MED13: variants seen among roughly 807,000 people sequenced by gnomAD.
The protein encoded by MED13 is mediator complex subunit 13.
In MED13, 23 loss-of-function variants were observed where a neutral mutation model predicts 225.2. That is an observed-to-expected ratio of 0.10 (90% CI 0.07 to 0.14). The LOEUF is 0.14. Among genes scored for constraint, MED13 ranks in the 10% least tolerant of loss-of-function variants. The pLI, the probability that MED13 is intolerant of heterozygous loss-of-function variation, is 1.00. For missense variants in MED13, 2,197 were observed against 2,594.5 expected, an observed-to-expected ratio of 0.85 and a Z score of 3.33; for synonymous variants, 942 against 889.2, an observed-to-expected ratio of 1.06 and a Z score of -1.06.
chr17:62,046,741 G>T (rs1256705463), intron 3 of MED13, among the ~76,000 whole-genome samples: 3 of 152,024 alleles, frequency 2.0e-5, no homozygotes. Flanking sequence ...GGAGGCTGAG[G>T]TGTGAGGACT....
chr17:62,016,640 G>A (rs2080584423), intron 8 of MED13, among the ~76,000 whole-genome samples: 1 of 152,162 alleles, frequency 6.6e-6, no homozygotes, highest in Non-Finnish European at 1.5e-5. Context: ...ATAAAATAAA[G>A]AAATGCCAAA....
chr17:62,026,862 TG>T (rs1181476309), intron 8 of MED13, among the ~76,000 whole-genome samples: 1 of 151,986 alleles, frequency 6.6e-6, no homozygotes, highest in Non-Finnish European at 1.5e-5. Flanking sequence ...GTAAAATAAC[TG>T]GGAATACAGC....
In MED13 at chr17:61,944,153, T is replaced by C. The variant is rs1008409105; in HGVS notation, c.*2315A>G. ...TCCCTGATTCCCAAATAAAAAATAATTGTGTACTGGGTTCCCTCCTTATGG... is the reference window on the plus strand; with the variant it reads ...TCCCTGATTCCCAAATAAAAAATAACTGTGTACTGGGTTCCCTCCTTATGG... On this transcript the variant is annotated 3_prime_UTR_variant, in exon 30 of 30. Coordinates refer to ENST00000397786, the MANE Select transcript of MED13 (RefSeq NM_005121.3). 9 of 152,662 alleles carry C rather than the reference T, an allele frequency of 5.9e-5. 1 individual carries two copies. In the South Asian group the frequency reaches 1.9e-3, roughly 32 times the overall value. 9.5% of individuals were successfully genotyped at this position (152,662 alleles called of 1,614,324 possible).
intron 9 of MED13, among the ~76,000 whole-genome samples, chr17:62,008,396 A>C (rs1201842592): frequency 6.6e-6 from 1 of 151,744 alleles, no homozygotes; most frequent in Non-Finnish European, 1.5e-5. Flanking sequence ...AGATCATTAT[A>C]CCTGCTACAC....
At chr17:62,051,205 G>C (rs965371130) in intron 3 of MED13, among the ~76,000 whole-genome samples, 1 of 152,064 alleles carries the variant, frequency 6.6e-6, no homozygotes, top group Non-Finnish European at 1.5e-5. Flanking sequence ...GTCAACTAAA[G>C]TTTCCAGAAA....
At chr17:62,033,263 CTT>C (rs2080773408) in intron 5 of MED13, among the ~76,000 whole-genome samples, 2 of 152,168 alleles carry the variant, frequency 1.3e-5, no homozygotes, top group South Asian at 4.1e-4. Flanking sequence ...TTTTCTGTCT[CTT>C]AAGTTATTGG....
At position 61,944,759 on chromosome 17, in the gene MED13, G is replaced by A. The variant is rs951253197; in HGVS notation, c.*1709C>T. On this transcript the variant is annotated 3_prime_UTR_variant, in exon 30 of 30. Transcript: ENST00000397786. ...TTGTCCTTGTAGATAATTAGTGAACGTACAAATAGAAATTTTGCTAGACTG... is the reference window on the plus strand; with the variant it reads ...TTGTCCTTGTAGATAATTAGTGAACATACAAATAGAAATTTTGCTAGACTG... 2.0e-5 allele frequency: 3 copies of A among 152,480 alleles called. No individual in the cohort carries two copies. The highest frequency in any genetic ancestry group is 2.1e-4 in the South Asian group (1 of 4,830). The allele number at this position is 152,480 out of a possible 1,614,324, so 9.4% of individuals were successfully genotyped here.
At chr17:62,026,941 T>C (rs909331258) in intron 8 of MED13, among the ~76,000 whole-genome samples, 2 of 152,070 alleles carry the variant, frequency 1.3e-5, no homozygotes, top group African/African-American at 2.4e-5. Context: ...TCAGAGATGA[T>C]GCAAAAAAAC....
chr17:61,964,294 C>T (rs144326798), intron 20 of MED13, among the ~76,000 whole-genome samples: 174 of 152,262 alleles, frequency 1.1e-3, no homozygotes, highest in African/African-American at 3.9e-3. Flanking sequence ...AACACTAGGC[C>T]GGGTGCGATA....
chr17:61,994,051 T>A (rs1241362942), intron 10 of MED13, among the ~76,000 whole-genome samples: 1 of 152,032 alleles, frequency 6.6e-6, no homozygotes, highest in Non-Finnish European at 1.5e-5. Context: ...CAGGCAGAAG[T>A]TCACTGGCAT....
chr17:61,974,433 A>C (rs2080135985), intron 16 of MED13, among the ~76,000 whole-genome samples: 1 of 152,120 alleles, frequency 6.6e-6, no homozygotes, highest in Admixed American at 6.6e-5. Flanking sequence ...GATGATCACA[A>C]AAAAATACCT....
rs890393330 is a variant in MED13, at chr17:62,049,078, CAAAAAA to C, written c.470+3453_470+3458del. ...GGCACCACCATAACAGTAAATAAGACAAAAAAAAAAAAAAAAAGGAGAAATGAGAAA... is the reference window on the plus strand; with the variant it reads ...GGCACCACCATAACAGTAAATAAGACAAAAAAAAAAAGGAGAAATGAGAAA... On this transcript the variant is annotated intron_variant, in intron 3 of 29. Coordinates refer to ENST00000397786, the MANE Select transcript of MED13 (RefSeq NM_005121.3). Among the ~76,000 whole-genome samples, 11 of 45,330 alleles carry C rather than the reference CAAAAAA, an allele frequency of 2.4e-4. No individual in the cohort carries two copies. The East Asian group carries it at 4.1e-3, about 17-fold the overall frequency. 29.7% of individuals were successfully genotyped at this position (45,330 alleles called of 152,430 possible).
chr17:61,953,830 T>C (rs2079917084), intron 26 of MED13, among the ~76,000 whole-genome samples: 1 of 152,144 alleles, frequency 6.6e-6, no homozygotes, highest in Admixed American at 6.6e-5. Flanking sequence ...ACTACAGTAT[T>C]CCCCCTTATC....
rs2143340894 is a variant in MED13 at position 61,960,859 on chromosome 17, A to G, written c.5480+8T>C. On this transcript the variant is annotated splice_region_variant and intron_variant, in intron 23 of 29. Coordinates refer to ENST00000397786, the MANE Select transcript of MED13 (RefSeq NM_005121.3). Reference sequence around the variant, plus strand: ...AATGATATGATATATTTAGGGAAATACAAATACCTATTTGGAACATCGATG... The same window carrying G: ...AATGATATGATATATTTAGGGAAATGCAAATACCTATTTGGAACATCGATG... 6.4e-7 allele frequency: 1 copy of G among 1,560,996 alleles called. No individual in the cohort carries two copies. Among genetic ancestry groups the G allele is most frequent in the Non-Finnish European group, 8.8e-7 (1 of 1,135,054 alleles).
intron 10 of MED13, among the ~76,000 whole-genome samples, chr17:61,993,202 T>TTC (rs1191410993): frequency 5.8e-5 from 8 of 138,976 alleles, no homozygotes; most frequent in Admixed American, 4.3e-4. Flanking sequence ...CTTTCTTTCT[T>TTC]TTTTTTTTTT....
chr17:62,042,598 A>C (rs1278348363), intron 3 of MED13, among the ~76,000 whole-genome samples: 1 of 151,616 alleles, frequency 6.6e-6, no homozygotes, highest in South Asian at 2.1e-4. Flanking sequence ...AACCCCACAA[A>C]ACTTAGCAAC....
rs368162935 is a variant in MED13 at position 61,984,190 on chromosome 17, T to C, written c.2869A>G (p.Met957Val). The C allele has an allele frequency of 7.3e-5, 116 of 1,579,360 alleles. No homozygotes were observed. Among genetic ancestry groups the C allele is most frequent in the Non-Finnish European group, 8.7e-5 (101 of 1,164,976 alleles). Residue 957 changes from methionine to valine, a missense_variant, in exon 15 of 30, where the codon ATG (methionine) becomes GTG (valine). Transcript: ENST00000397786. ...TCATACCCCTCTTTGATGAATGGCA[T>C]TGAAGGCCCTGAAGAAAGCAATTCC... ...KLELLSSGPSMPFIKEGDGSN... is the reference protein window; with the variant it reads ...KLELLSSGPSVPFIKEGDGSN...
intron 3 of MED13, among the ~76,000 whole-genome samples, chr17:62,050,906 G>A (rs936533470): frequency 1.3e-5 from 2 of 152,178 alleles, no homozygotes; most frequent in Non-Finnish European, 2.9e-5. Context: ...TTGGGAGACT[G>A]AGGCAGGAGA....
chr17:62,021,778 G>T (rs773749463), intron 8 of MED13, among the ~76,000 whole-genome samples: 3 of 152,038 alleles, frequency 2.0e-5, no homozygotes, highest in Non-Finnish European at 2.9e-5. Context: ...GATGTCACAC[G>T]TACTTAAATA....
Sources: allele counts gnomAD v4.1 joint callset (sites outside exome capture counted in the v4.1 genomes callset), GRCh38; gene constraint gnomAD v4.1.1; transcripts MANE v1.5; gene names NCBI Gene and HGNC (gene_info 2026-07-23, HGNC 2026-07-21).